Variants in COBLL1 observed in about 807,000 individuals in gnomAD.
COBLL1 encodes the protein cordon-bleu WH2 repeat protein like 1.
In COBLL1, 50 loss-of-function variants were observed where a neutral mutation model predicts 94.8. That is an observed-to-expected ratio of 0.53 (90% CI 0.42 to 0.67). The LOEUF (loss-of-function observed/expected upper bound fraction) is 0.67. Among genes scored for constraint, COBLL1 ranks in the 30% least tolerant of loss-of-function variants. The pLI is 0.00. For synonymous variants in COBLL1, 448 were observed against 473.8 expected, an observed-to-expected ratio of 0.95 and a Z score of 0.71; for missense variants, 1,362 against 1,348.7, an observed-to-expected ratio of 1.01 and a Z score of -0.15.
At chr2:164,817,558 C>T (rs900483089) in intron 2 of COBLL1, among the ~76,000 whole-genome samples, 10 of 152,140 alleles carry the variant, frequency 6.6e-5, no homozygotes, top group African/African-American at 2.4e-4. Flanking sequence ...CAATCTCCAA[C>T]ATTTATGCAT....
At chr2:164,713,631 A>G (rs950051618) in intron 7 of COBLL1, among the ~76,000 whole-genome samples, 29 of 152,280 alleles carry the variant, frequency 1.9e-4, no homozygotes, top group African/African-American at 6.7e-4. Context: ...CAATGGTAAC[A>G]TGGTTACCAT....
In COBLL1 at chr2:164,684,884, C is replaced by G. The variant is rs1285780878; in HGVS notation, c.*1062G>C. The G allele has an allele frequency of 6.6e-6, 1 of 151,976 alleles. No individual in the cohort carries two copies. The highest frequency in any genetic ancestry group is 2.4e-5 in the African/African-American group (1 of 41,380). 9.4% of individuals were successfully genotyped at this position (151,976 alleles called of 1,614,324 possible). ...GAACAAAGCTTTCAGAATAAGTGAG[C>G]AATTAAATTCTTAAAGTAGGGACAG... On this transcript the variant is annotated 3_prime_UTR_variant, in exon 14 of 14. Transcript: ENST00000652658.
intron 2 of COBLL1, among the ~76,000 whole-genome samples, chr2:164,825,184 A>T (rs1438925727): frequency 6.6e-6 from 1 of 152,092 alleles, no homozygotes; most frequent in Non-Finnish European, 1.5e-5. Flanking sequence ...GAGTCCTGTA[A>T]GCCACTGGTC....
At chr2:164,670,661 T>C (rs1691227998) in intron 1 of COBLL1, among the ~76,000 whole-genome samples, 1 of 152,166 alleles carries the variant, frequency 6.6e-6, no homozygotes, top group South Asian at 2.1e-4. Context: ...AAATCCAACA[T>C]CAGTTTTAAG....
chr2:164,778,650 T>G (rs1198053721), intron 2 of COBLL1, among the ~76,000 whole-genome samples: 1 of 152,164 alleles, frequency 6.6e-6, no homozygotes, highest in Non-Finnish European at 1.5e-5. Flanking sequence ...GAATTTAGGT[T>G]ATCTAAAATC....
chr2:164,712,639 TAGAC>T (rs926074090), intron 7 of COBLL1, among the ~76,000 whole-genome samples: 11 of 152,050 alleles, frequency 7.2e-5, no homozygotes, highest in African/African-American at 1.9e-4. Flanking sequence ...TTTTACAACT[TAGAC>T]AAGCAAGTCA....
chr2:164,800,987 CAT>C (rs779699815), intron 2 of COBLL1, among the ~76,000 whole-genome samples: 1 of 152,094 alleles, frequency 6.6e-6, no homozygotes, highest in Non-Finnish European at 1.5e-5. Flanking sequence ...ATTTTGTAAA[CAT>C]GTGCATGGGT....
chr2:164,696,315 A>G (rs1370015895), intron 11 of COBLL1: 1 of 152,258 alleles, frequency 6.6e-6, no homozygotes. Flanking sequence ...AGCCCCTAGC[A>G]TATTTATATT....
Position 164,722,444 on chromosome 2 carries a change from C to T in COBLL1, c.740G>A (p.Ser247Asn). ...ACTTACTTGGTCTCGCTTTTTCTTA[C>T]TGCGTTGAAAAAAACTGAAAAACCC... Reference protein sequence around the residue: ...NKGFFSFFQRSKKKRDQTASA... With the variant: ...NKGFFSFFQRNKKKRDQTASA... Residue 247 changes from serine (S) to asparagine (N), a missense_variant, in exon 6 of 14, where the codon AGT becomes AAT. Ser to Asn is a conservative substitution (Grantham distance 46). Coordinates refer to ENST00000652658, the MANE Select transcript of COBLL1 (RefSeq NM_001365672.2). 1 of 1,524,432 alleles carries T rather than the reference C, an allele frequency of 6.6e-7. No homozygotes were observed. Among genetic ancestry groups the T allele is most frequent in the Non-Finnish European group, 8.8e-7 (1 of 1,138,148 alleles). The allele number at this position is 1,524,432 out of a possible 1,614,324, so 94.4% of individuals were successfully genotyped here. A position where few individuals can be genotyped will look rare whatever the true frequency, so the allele number is the denominator to read the frequency against.
intron 2 of COBLL1, among the ~76,000 whole-genome samples, chr2:164,798,589 T>C (rs1369807255): frequency 1.3e-5 from 2 of 151,790 alleles, no homozygotes; most frequent in Non-Finnish European, 2.9e-5. Flanking sequence ...TGAGAGGGAG[T>C]GGACAAGGGA....
rs1400669408 is a variant in COBLL1, at chr2:164,694,901, T to C, written c.2491A>G (p.Arg831Gly). ...GCAAAAGGAGCTGTGCCAGTGTCTC[T>C]TGTCATTTTGGGAGCAGGTTTCAGA... is the stretch of plus-strand genomic sequence containing the variant. The part of the protein sequence containing the change: ...SPLKPAPKMT[R>G]DTGTAPFAPN... The change falls in exon 12 of 14, where the codon AGA becomes GGA. Residue 831 changes from arginine to glycine, a missense_variant. Transcript: ENST00000652658. 1.2e-6 allele frequency: 2 copies of C among 1,613,974 alleles called. No homozygotes were observed. The highest frequency in any genetic ancestry group is 1.7e-4 in the Middle Eastern group (1 of 6,060).
intron 2 of COBLL1, among the ~76,000 whole-genome samples, chr2:164,818,773 T>TAGTATATATATGTACTTATGTAAAC (rs1685013373): frequency 2.1e-5 from 3 of 140,180 alleles, no homozygotes; most frequent in Non-Finnish European, 3.1e-5. Flanking sequence ...TGTAAACATA[T>TAGTATATATATGTACTTATGTAAAC]ATATATATAC....
chr2:164,669,948 C>T (rs1222712629), intron 1 of COBLL1, among the ~76,000 whole-genome samples: 1 of 152,194 alleles, frequency 6.6e-6, no homozygotes, highest in East Asian at 1.9e-4. Flanking sequence ...TTCTGTATTG[C>T]ACCAACTCCA....
chr2:164,711,692 T>C (rs1684908854), intron 7 of COBLL1, among the ~76,000 whole-genome samples: 1 of 152,200 alleles, frequency 6.6e-6, no homozygotes, highest in Non-Finnish European at 1.5e-5. Context: ...TAAAGAACCA[T>C]TTATAACTGT....
At chr2:164,698,485 C>T (rs1446598539) in intron 11 of COBLL1, among the ~76,000 whole-genome samples, 3 of 151,374 alleles carry the variant, frequency 2.0e-5, no homozygotes, top group Non-Finnish European at 3.0e-5. Flanking sequence ...AATATCTTAA[C>T]CTAGTTTTCT....
intron 2 of COBLL1, among the ~76,000 whole-genome samples, chr2:164,833,049 C>CAA (rs545982147): frequency 1.3e-5 from 2 of 149,698 alleles, no homozygotes; most frequent in African/African-American, 4.9e-5. Flanking sequence ...ATCTCAAAAA[C>CAA]AAAAAAAACA....
chr2:164,777,331 T>TACACACACACACAC (rs72061846), intron 2 of COBLL1, among the ~76,000 whole-genome samples: 17 of 149,072 alleles, frequency 1.1e-4, no homozygotes, highest in Non-Finnish European at 2.1e-4. Flanking sequence ...AATCATGAGT[T>TACACACACACACAC]ACACACACAC....
In COBLL1 at chr2:164,840,969, G is replaced by A. The variant is rs1267646183; in HGVS notation, c.41+187C>T. On this transcript the variant is annotated intron_variant, in intron 2 of 13. Transcript: ENST00000652658. ...AGGAAGGCAACCAAAAACGACCCGAGCCCTCCGCCCGGGCGGCCTCCGAGA... is the reference window on the plus strand; with the variant it reads ...AGGAAGGCAACCAAAAACGACCCGAACCCTCCGCCCGGGCGGCCTCCGAGA... 9.2e-6 allele frequency: 5 copies of A among 541,950 alleles called. No individual in the cohort carries two copies. In the South Asian group the frequency reaches 3.0e-4, roughly 33 times the overall value. 33.6% of individuals were successfully genotyped at this position (541,950 alleles called of 1,614,324 possible). A position where few individuals can be genotyped will look rare whatever the true frequency, so the allele number is the denominator to read the frequency against.
intron 3 of COBLL1, among the ~76,000 whole-genome samples, chr2:164,737,749 C>A (rs1179760694): frequency 1.3e-5 from 2 of 152,104 alleles, no homozygotes; most frequent in East Asian, 3.9e-4. Context: ...CCACACCGAT[C>A]CCTTTATCTT....
Sources: gnomAD v4.1 joint callset for allele counts (sites outside exome capture counted in the v4.1 genomes callset) on GRCh38, gnomAD v4.1.1 for gene constraint, MANE v1.5 for transcripts, NCBI Gene and HGNC (gene_info 2026-07-23, HGNC 2026-07-21) for gene names.